Variants in ZDHHC17 observed in about 807,000 individuals in gnomAD.
ZDHHC17 encodes the protein palmitoyltransferase ZDHHC17.
Under a neutral mutation model 90.3 loss-of-function variants are expected in ZDHHC17, and 40 were observed. The ratio of observed to expected loss-of-function variants is 0.44; its 90% CI spans 0.34 to 0.58. The LOEUF is 0.58. Among genes scored for constraint, ZDHHC17 ranks in the 20% least tolerant of loss-of-function variants. The probability of loss-of-function intolerance (pLI) is 0.01; values close to 1 mark genes in which losing one functional copy is unlikely to be tolerated. For synonymous variants in ZDHHC17, 235 were observed against 252.4 expected (o/e 0.93, Z 0.65); for missense variants, 614 against 780.8 (o/e 0.79, Z 2.55).
At chr12:76,803,345 C>A (rs777656771) in intron 2 of ZDHHC17, among the ~76,000 whole-genome samples, 2 of 152,216 alleles carry the variant, frequency 1.3e-5, no homozygotes, top group African/African-American at 2.4e-5. Context: ...TCCTTTCCCG[C>A]ATTGTGGAGG....
rs1436267255 is a variant in ZDHHC17, at chr12:76,828,252, A to C, written c.1041-138A>C. 7 of 631,214 alleles carry C rather than the reference A, an allele frequency of 1.1e-5. No individual in the cohort carries two copies. In the East Asian group the frequency reaches 2.2e-4, roughly 20 times the overall value. 39.1% of individuals were successfully genotyped at this position (631,214 alleles called of 1,614,324 possible). On this transcript the variant is annotated intron_variant, in intron 9 of 16. Coordinates refer to ENST00000426126, the MANE Select transcript of ZDHHC17 (RefSeq NM_015336.4). ...AACTAATTTTTATTGATTACTATGA[A>C]AAATTGAGCATCCTGAACTCTGGAT... is the stretch of plus-strand genomic sequence containing the variant.
intron 15 of ZDHHC17, among the ~76,000 whole-genome samples, chr12:76,848,944 C>T (rs1464415153): frequency 2.0e-5 from 3 of 151,606 alleles, no homozygotes. Flanking sequence ...TATCTTTATC[C>T]TAGTTTTCTT....
intron 1 of ZDHHC17, among the ~76,000 whole-genome samples, chr12:76,789,552 G>T (rs370890495): frequency 6.6e-6 from 1 of 152,104 alleles, no homozygotes; most frequent in East Asian, 1.9e-4. Context: ...GACTAACTGT[G>T]GTTGAAAGGA....
chr12:76,820,872 T>C (rs1000663648), intron 7 of ZDHHC17, among the ~76,000 whole-genome samples: 3 of 152,200 alleles, frequency 2.0e-5, no homozygotes, highest in African/African-American at 7.2e-5. Context: ...AATATTATTA[T>C]TTTGGCTGAG....
intron 1 of ZDHHC17, among the ~76,000 whole-genome samples, chr12:76,796,831 G>A (rs183194483): frequency 1.4e-4 from 21 of 152,326 alleles, no homozygotes; most frequent in Non-Finnish European, 1.5e-4. Context: ...GAGTTGATCT[G>A]ATGATGAGGT....
At chr12:76,782,094 A>G (rs1952633895) in intron 1 of ZDHHC17, among the ~76,000 whole-genome samples, 1 of 152,180 alleles carries the variant, frequency 6.6e-6, no homozygotes, top group South Asian at 2.1e-4. Flanking sequence ...TCCAGCCTAT[A>G]CAAGATAAAA....
At chr12:76,820,955 G>T in intron 7 of ZDHHC17, 1 of 653,110 alleles carries the variant, frequency 1.5e-6, no homozygotes, top group Admixed American at 2.5e-5. Flanking sequence ...AATGAATTGA[G>T]TGTTTATTTT....
chr12:76,838,669 C>T (rs897007999), intron 10 of ZDHHC17, among the ~76,000 whole-genome samples: 1 of 152,174 alleles, frequency 6.6e-6, no homozygotes, highest in Non-Finnish European at 1.5e-5. Flanking sequence ...TATCCCCCAC[C>T]AGCCATCCCC....
chr12:76,846,085 A>G (rs1486851426), intron 13 of ZDHHC17, among the ~76,000 whole-genome samples: 1 of 152,100 alleles, frequency 6.6e-6, no homozygotes, highest in Admixed American at 6.5e-5. Context: ...GAAGGCGGTA[A>G]TATTTGAAAT....
intron 2 of ZDHHC17, among the ~76,000 whole-genome samples, chr12:76,801,810 C>T (rs1333981496): frequency 2.0e-5 from 3 of 152,118 alleles, no homozygotes; most frequent in African/African-American, 7.2e-5. Flanking sequence ...CATATGTATA[C>T]ATTGTATTTC....
chr12:76,789,617 TAAGGGTGTGAGTACTATGA>T (rs1432028100), intron 1 of ZDHHC17, among the ~76,000 whole-genome samples: 1 of 151,932 alleles, frequency 6.6e-6, no homozygotes, highest in Non-Finnish European at 1.5e-5. Context: ...GAAAGAATAT[TAAGGGTGTGAGTACTATGA>T]TTATAGACTA....
intron 1 of ZDHHC17, among the ~76,000 whole-genome samples, chr12:76,786,784 G>GA (rs35360215): frequency 5.3e-5 from 8 of 151,206 alleles, no homozygotes; most frequent in African/African-American, 1.2e-4. Context: ...TGGTGGAAAG[G>GA]AAAAAAAAAT....
At chr12:76,840,995 T>C (rs1296124532) in intron 10 of ZDHHC17, 1 of 152,176 alleles carries the variant, frequency 6.6e-6, no homozygotes, top group Non-Finnish European at 1.5e-5. Context: ...ACTTCTTATT[T>C]ACTCTCTGCT....
chr12:76,816,603 A>G (rs1953090409), intron 7 of ZDHHC17, among the ~76,000 whole-genome samples: 1 of 152,024 alleles, frequency 6.6e-6, no homozygotes, highest in East Asian at 1.9e-4. Context: ...TTAAATTTCT[A>G]AGGGATATGT....
chr12:76,835,468 TAGA>T (rs1953352445), intron 10 of ZDHHC17, among the ~76,000 whole-genome samples: 1 of 152,156 alleles, frequency 6.6e-6, no homozygotes, highest in Admixed American at 6.5e-5. Flanking sequence ...ATTTCTTATG[TAGA>T]AGTTTATATC....
Position 76,797,315 on chromosome 12 carries a change from TTAATTATTTCAG to T in ZDHHC17, c.94-112_94-101del. ...GTATAGACTTTAGAATAAGGTAAAT[TTAATTATTTCAG>T]TAATTAGCATTTCTCAAACAACACA... On this transcript the variant is annotated intron_variant, in intron 1 of 16. Coordinates refer to ENST00000426126, the MANE Select transcript of ZDHHC17 (RefSeq NM_015336.4). 5.1e-6 allele frequency: 3 copies of T among 590,428 alleles called. No homozygotes were observed. The South Asian group carries it at 1.0e-4, about 20-fold the overall frequency. The allele number at this position is 590,428 out of a possible 1,614,324, so 36.6% of individuals were successfully genotyped here.
intron 6 of ZDHHC17, among the ~76,000 whole-genome samples, chr12:76,815,467 AT>A (rs890455583): frequency 4.6e-5 from 7 of 151,604 alleles, no homozygotes; most frequent in African/African-American, 1.7e-4. Context: ...AAATTAATTA[AT>A]TTTTTCATGT....
At chr12:76,836,482 G>A (rs1489068223) in intron 10 of ZDHHC17, among the ~76,000 whole-genome samples, 1 of 151,056 alleles carries the variant, frequency 6.6e-6, no homozygotes, top group Non-Finnish European at 1.5e-5. Flanking sequence ...CTATTTTATT[G>A]GATTTTTCAA....
chr12:76,769,193 G>T, intron 1 of ZDHHC17: 1 of 216,738 alleles, frequency 4.6e-6, no homozygotes, highest in South Asian at 4.8e-5. Flanking sequence ...CGAGTAGCTG[G>T]GATTACAGGT....
Sources: gnomAD v4.1 joint callset for allele counts (sites outside exome capture counted in the v4.1 genomes callset) on GRCh38, gnomAD v4.1.1 for gene constraint, MANE v1.5 for transcripts, NCBI Gene and HGNC (gene_info 2026-07-23, HGNC 2026-07-21) for gene names.